Variants in AHNAK observed in about 807,000 individuals in gnomAD.
AHNAK encodes AHNAK nucleoprotein.
A neutral mutation model predicts 37.8 loss-of-function variants in AHNAK; 23 were observed. The observed-to-expected ratio is 0.61, with a 90% CI of 0.44 to 0.86. The LOEUF (loss-of-function observed/expected upper bound fraction) is 0.86, where lower values mean the gene tolerates loss of function less well. AHNAK is among the 40% of genes least tolerant of loss of function. The pLI, the probability that AHNAK is intolerant of heterozygous loss-of-function variation, is 0.00. For synonymous variants in AHNAK, 2,481 were observed against 2,636.3 expected, an observed-to-expected ratio of 0.94 and a Z score of 1.80; for missense variants, 7,411 against 7,319.4, an observed-to-expected ratio of 1.01 and a Z score of -0.46.
chr11:62,484,688 C>T (rs571306982), intron 5 of AHNAK, among the ~76,000 whole-genome samples: 6 of 152,280 alleles, frequency 3.9e-5, no homozygotes, highest in Non-Finnish European at 8.8e-5. Flanking sequence ...TACGCTACCA[C>T]GAGCACTTAA....
At chr11:62,539,157 G>A (rs1941045429) in intron 1 of AHNAK, among the ~76,000 whole-genome samples, 1 of 152,220 alleles carries the variant, frequency 6.6e-6, no homozygotes, top group South Asian at 2.1e-4. Flanking sequence ...TTCCCAGCAA[G>A]AAACAGCAAA....
intron 3 of AHNAK, 100 bp downstream of exon 3, chr11:62,535,845 C>A: frequency 6.9e-7 from 1 of 1,458,784 alleles, no homozygotes; most frequent in Non-Finnish European, 9.2e-7. Context: ...GGGCCCTCGA[C>A]AGCCACTCAC....
At chr11:62,490,437 G>T (rs1334392389) in intron 5 of AHNAK, among the ~76,000 whole-genome samples, 1 of 152,060 alleles carries the variant, frequency 6.6e-6, no homozygotes, top group Non-Finnish European at 1.5e-5. Flanking sequence ...CTGACCTCGT[G>T]ATCCTCCTGC....
In AHNAK at chr11:62,536,092, T is replaced by C. The variant is rs746454639; in HGVS notation, c.7A>G (p.Lys3Glu). 10 of 1,565,054 alleles carry C rather than the reference T, an allele frequency of 6.4e-6. No individual in the cohort carries two copies. Among genetic ancestry groups the C allele is most frequent in the African/African-American group, 1.4e-5 (1 of 70,214 alleles). The change falls in exon 3 of 5, where the codon AAG becomes GAG. Residue 3 changes from lysine (K) to glutamate (E), a missense_variant. Coordinates refer to ENST00000378024, the MANE Select transcript of AHNAK (RefSeq NM_001620.3). The stretch of plus-strand genomic sequence containing the variant: ...AGCAGCTCCCGGGTTGTCTCCTCCT[T>C]CTCCATCTGGAATGAGGTGAGGAAA... ME[K>E]EETTRELLLP...
intron 5 of AHNAK, among the ~76,000 whole-genome samples, chr11:62,461,414 G>T (rs185612920): frequency 7.2e-5 from 11 of 152,206 alleles, no homozygotes; most frequent in Non-Finnish European, 1.6e-4. Flanking sequence ...AAAGTGCTGG[G>T]ATTACAGGCG....
chr11:62,523,127 C>T lies in AHNAK; in HGVS notation c.11290G>A (p.Asp3764Asn). 6.2e-7 allele frequency: 1 copy of T among 1,614,088 alleles called. No individual in the cohort carries two copies. The highest frequency in any genetic ancestry group is 8.5e-7 in the Non-Finnish European group (1 of 1,180,012). Residue 3764 changes from aspartate (D) to asparagine (N), a missense_variant, in exon 5 of 5, where the codon GAT becomes AAT. By Grantham distance (23) the Asp-to-Asn change is conservative (BLOSUM62 1). Coordinates refer to ENST00000378024, the MANE Select transcript of AHNAK (RefSeq NM_001620.3). ...LKGPKVKGDV[D>N]VSLPKMEGDL... ...CCTTCCATTTTGGGCAGAGAAACATCCACATCGCCCTTGACTTTGGGGCCC... is the reference window on the plus strand; with the variant it reads ...CCTTCCATTTTGGGCAGAGAAACATTCACATCGCCCTTGACTTTGGGGCCC...
Position 62,535,325 on chromosome 11 carries a change from T to C in AHNAK, c.155-135A>G. 3.8e-6 allele frequency: 3 copies of C among 783,818 alleles called. No individual in the cohort carries two copies. In the Admixed American group the frequency reaches 8.4e-5, roughly 22 times the overall value. 48.6% of individuals were successfully genotyped at this position (783,818 alleles called of 1,614,324 possible). A position where few individuals can be genotyped will look rare whatever the true frequency, so the allele number is the denominator to read the frequency against. On this transcript the variant is annotated intron_variant, in intron 3 of 4. Coordinates refer to ENST00000378024, the MANE Select transcript of AHNAK (RefSeq NM_001620.3). ...AAGGTGGGCATGGTAATACCCATTG[T>C]ACAGACACGGAAACTGAGGCTTAGA...
intron 5 of AHNAK, among the ~76,000 whole-genome samples, chr11:62,442,726 G>A (rs10897277): frequency 0.53 from 80,004 of 150,668 alleles, 21,828 homozygotes; most frequent in South Asian, 0.71. Flanking sequence ...AAAATTAACC[G>A]GGTGTGGTGG....
chr11:62,471,672 A>G (rs1939038400), intron 5 of AHNAK, among the ~76,000 whole-genome samples: 1 of 152,086 alleles, frequency 6.6e-6, no homozygotes, highest in South Asian at 2.1e-4. Context: ...CATGTTGCAA[A>G]TGGGGAAGGT....
At chr11:62,499,953 G>C (rs564961943) in intron 4 of AHNAK, among the ~76,000 whole-genome samples, 15 of 152,340 alleles carry the variant, frequency 9.8e-5, no homozygotes, top group African/African-American at 3.1e-4. Context: ...CCAGGAAGGA[G>C]AGCCTGCTGC....
intron 4 of AHNAK, among the ~76,000 whole-genome samples, chr11:62,509,021 A>G (rs1008116289): frequency 1.3e-5 from 2 of 152,224 alleles, no homozygotes; most frequent in African/African-American, 2.4e-5. Flanking sequence ...GGAGAAACTT[A>G]GCAATCTCCT....
At chr11:62,444,154 C>G (rs955961445) in intron 5 of AHNAK, among the ~76,000 whole-genome samples, 3 of 152,210 alleles carry the variant, frequency 2.0e-5, no homozygotes, top group African/African-American at 7.2e-5. Context: ...CGTAACAACC[C>G]TGGCGATAAC....
intron 1 of AHNAK, chr11:62,545,796 T>G (rs1170434377): frequency 6.6e-6 from 1 of 152,326 alleles, no homozygotes; most frequent in Non-Finnish European, 1.5e-5. Flanking sequence ...ACCACCACAT[T>G]CCTCAGGCTG....
Position 62,530,488 on chromosome 11 carries a change from T to C in AHNAK, c.3929A>G (p.Lys1310Arg). Residue 1310 changes from lysine (K) to arginine (R), a missense_variant, in exon 5 of 5, where the codon AAG becomes AGG. By Grantham distance (26) the Lys-to-Arg change is conservative. Coordinates refer to ENST00000378024, the MANE Select transcript of AHNAK (RefSeq NM_001620.3). ...EGPEGKLKGP[K>R]FKMPEMHFKA... Reference sequence around the variant, plus strand: ...GAAGTGCATCTCAGGCATCTTAAACTTGGGGCCCTTCAGCTTTCCTTCCGG... The same window carrying C: ...GAAGTGCATCTCAGGCATCTTAAACCTGGGGCCCTTCAGCTTTCCTTCCGG... 1.2e-6 allele frequency: 2 copies of C among 1,612,874 alleles called. No homozygotes were observed. The highest frequency in any genetic ancestry group is 2.2e-5 in the East Asian group (1 of 44,794).
At chr11:62,543,120 G>A (rs887234546) in intron 1 of AHNAK, among the ~76,000 whole-genome samples, 8 of 152,156 alleles carry the variant, frequency 5.3e-5, no homozygotes, top group African/African-American at 1.9e-4. Flanking sequence ...GCCCCTCCCT[G>A]ACAGGCCGTG....
chr11:62,485,722 A>G lies in AHNAK; in HGVS notation c.442+6010T>C, dbSNP rs1351025747. 6.8e-5 allele frequency among the ~76,000 whole-genome samples: 10 copies of G among 146,330 alleles called. No individual in the cohort carries two copies. In the East Asian group the frequency reaches 2.0e-3, roughly 29 times the overall value. ...ATCTCAAAAAAAAAAAAAAAAAAAA[A>G]GAATAACAGAAGGCCGGGAGTGGTG... On this transcript the variant is annotated intron_variant, in intron 5 of 5. Coordinates refer to the AHNAK transcript ENST00000257247.
intron 5 of AHNAK, among the ~76,000 whole-genome samples, chr11:62,470,694 G>A (rs1939017882): frequency 6.6e-6 from 1 of 152,066 alleles, no homozygotes; most frequent in African/African-American, 2.4e-5. Flanking sequence ...CTTGGGTGCT[G>A]ATTAAAGAGT....
At chr11:62,463,929 A>G (rs61895395) in intron 5 of AHNAK, among the ~76,000 whole-genome samples, 1 of 130,914 alleles carries the variant, frequency 7.6e-6, no homozygotes, top group Non-Finnish European at 1.8e-5. Flanking sequence ...ACGCCCGGCT[A>G]ATTTTTTTTT....
In AHNAK at chr11:62,517,310, ACT is replaced by A; in HGVS notation, c.17105_17106del (p.Glu5702ValfsTer2). 6.2e-7 allele frequency: 1 copy of A among 1,613,334 alleles called. No individual in the cohort carries two copies. Among genetic ancestry groups the A allele is most frequent in the Admixed American group, 1.7e-5 (1 of 59,922 alleles). ...QAGAGDGEWE[E>X]SEVKLKKSKI... Reference sequence around the variant, plus strand: ...TTGGACTTTTTCAGTTTGACTTCAGACTCTTCCCACTCGCCGTCTCCAGCACC... The same window carrying A: ...TTGGACTTTTTCAGTTTGACTTCAGACTTCCCACTCGCCGTCTCCAGCACC... On this transcript the variant is annotated frameshift_variant, in exon 5 of 5. Transcript: ENST00000378024. LOFTEE classifies it high-confidence loss of function.
Sources: allele counts gnomAD v4.1 joint callset (sites outside exome capture counted in the v4.1 genomes callset), GRCh38; gene constraint gnomAD v4.1.1; transcripts MANE v1.5; gene names NCBI Gene and HGNC (gene_info 2026-07-23, HGNC 2026-07-21).